Variants in PDE1A observed in about 807,000 individuals in gnomAD.
PDE1A encodes the protein dual specificity calcium/calmodulin-dependent 3',5'-cyclic nucleotide phosphodiesterase 1A.
Under a neutral mutation model 61.7 loss-of-function variants are expected in PDE1A, and 35 were observed. The observed-to-expected ratio is 0.57, with a 90% CI of 0.43 to 0.75. The LOEUF is 0.75. Among genes scored for constraint, PDE1A ranks in the 30% least tolerant of loss-of-function variants. The probability of loss-of-function intolerance (pLI) is 0.00; values close to 1 mark genes in which losing one functional copy is unlikely to be tolerated. For missense variants in PDE1A, 597 were observed against 630.6 expected, an observed-to-expected ratio of 0.95 and a Z score of 0.57; for synonymous variants, 232 against 213.2, an observed-to-expected ratio of 1.09 and a Z score of -0.77.
chr2:182,641,475 C>T, the PDE1A span, among the ~76,000 whole-genome samples: 2 of 151,928 alleles, frequency 1.3e-5, no homozygotes, highest in African/African-American at 4.8e-5. Context: ...AACATTTTTC[C>T]CAAGAAAGCA....
intron 13 of PDE1A, among the ~76,000 whole-genome samples, chr2:182,148,258 G>C (rs1574493203): frequency 6.6e-6 from 1 of 152,170 alleles, no homozygotes; most frequent in Admixed American, 6.5e-5. Flanking sequence ...ACAGAACCCA[G>C]AAATGTTGCC....
At chr2:182,427,106 G>T, upstream of PDE1A, 1 of 723,300 alleles carries the variant, frequency 1.4e-6, no homozygotes, top group Non-Finnish European at 1.7e-6. Context: ...AATAAAAGTT[G>T]TACAGCTGGT....
chr2:182,650,063 G>A, the PDE1A span, among the ~76,000 whole-genome samples: 3 of 152,152 alleles, frequency 2.0e-5, no homozygotes, highest in South Asian at 2.1e-4. Context: ...CTCCAGCCTA[G>A]GTGATAGAGC....
At chr2:182,437,378 A>G (rs892746867) in intron 2 of PDE1A, among the ~76,000 whole-genome samples, 2 of 151,908 alleles carry the variant, frequency 1.3e-5, no homozygotes, top group African/African-American at 2.4e-5. Context: ...ATTAATTAAA[A>G]CTCTCTACCT....
intron 1 of PDE1A, among the ~76,000 whole-genome samples, chr2:182,322,656 G>A (rs1696771288): frequency 5.3e-5 from 8 of 152,102 alleles, no homozygotes; most frequent in Admixed American, 5.2e-4. Context: ...GGCAGACTCT[G>A]TTAGACAATT....
chr2:182,427,577 T>G (rs16823233), upstream of PDE1A, among the ~76,000 whole-genome samples: 24,488 of 151,940 alleles, frequency 0.16, 2,323 homozygotes, highest in Middle Eastern at 0.31. Flanking sequence ...TTATATATTA[T>G]GTGATGAAAT....
chr2:182,635,303 C>T, the PDE1A span, among the ~76,000 whole-genome samples: 2 of 152,052 alleles, frequency 1.3e-5, no homozygotes, highest in Non-Finnish European at 2.9e-5. Flanking sequence ...CAAGATAATT[C>T]CCATCTGCCC....
chr2:182,329,720 T>C (rs955345880), intron 1 of PDE1A, among the ~76,000 whole-genome samples: 4 of 152,140 alleles, frequency 2.6e-5, no homozygotes, highest in African/African-American at 9.7e-5. Flanking sequence ...GGTTTCTATC[T>C]CCTATCTGCA....
At chr2:182,503,298 C>T (rs1189760631) in intron 2 of PDE1A, among the ~76,000 whole-genome samples, 1 of 152,140 alleles carries the variant, frequency 6.6e-6, no homozygotes, top group Non-Finnish European at 1.5e-5. Context: ...TTCCTTGCCT[C>T]TCCACTTCTT....
At chr2:182,361,278 T>A (rs1291777387) in intron 1 of PDE1A, among the ~76,000 whole-genome samples, 1 of 152,120 alleles carries the variant, frequency 6.6e-6, no homozygotes, top group East Asian at 1.9e-4. Context: ...TAATGCATAG[T>A]GATCAAATCA....
At chr2:182,680,215 C>CT in the PDE1A span, among the ~76,000 whole-genome samples, 2,797 of 139,886 alleles carry the variant, frequency 0.02, 62 homozygotes, top group African/African-American at 0.062. Flanking sequence ...TTATCAGCGA[C>CT]TTTTTTTTTT....
At chr2:182,254,572 T>C (rs974002168) in intron 2 of PDE1A, among the ~76,000 whole-genome samples, 5 of 152,118 alleles carry the variant, frequency 3.3e-5, no homozygotes, top group Non-Finnish European at 7.4e-5. Context: ...GAGCAAGTCT[T>C]TACAGGGGGA....
chr2:182,296,511 G>A (rs920838218), intron 1 of PDE1A, among the ~76,000 whole-genome samples: 6 of 152,148 alleles, frequency 3.9e-5, no homozygotes, highest in Non-Finnish European at 7.3e-5. Flanking sequence ...TATAGATACC[G>A]ATATAGATAT....
the PDE1A span, among the ~76,000 whole-genome samples, chr2:182,691,844 C>A: frequency 2.3e-4 from 35 of 150,026 alleles, no homozygotes; most frequent in African/African-American, 3.8e-4. Context: ...AAAAAAAAAA[C>A]CCCATCAAAA....
intron 13 of PDE1A, among the ~76,000 whole-genome samples, chr2:182,169,155 A>G (rs954769610): frequency 1.3e-5 from 2 of 152,128 alleles, no homozygotes; most frequent in African/African-American, 4.8e-5. Flanking sequence ...TTTTGGCTAC[A>G]TATGGGTTTT....
At chr2:182,606,981 T>C in the PDE1A span, among the ~76,000 whole-genome samples, 3 of 152,210 alleles carry the variant, frequency 2.0e-5, no homozygotes, top group East Asian at 5.8e-4. Context: ...GGGAGACCAG[T>C]CTCAAATCCA....
At chr2:182,334,904 A>T (rs1414400593) in intron 1 of PDE1A, among the ~76,000 whole-genome samples, 1 of 152,204 alleles carries the variant, frequency 6.6e-6, no homozygotes, top group Non-Finnish European at 1.5e-5. Flanking sequence ...AATCCCCTTA[A>T]GCTGATGAGC....
intron 1 of PDE1A, among the ~76,000 whole-genome samples, chr2:182,326,766 T>G (rs1461842874): frequency 1.3e-5 from 2 of 152,242 alleles, no homozygotes; most frequent in Admixed American, 6.5e-5. Flanking sequence ...CTGCAGTTAC[T>G]TGGTAAGAGT....
chr2:182,589,675 A>T, the PDE1A span, among the ~76,000 whole-genome samples: 1 of 152,224 alleles, frequency 6.6e-6, no homozygotes, highest in African/African-American at 2.4e-5. Flanking sequence ...AGGCTAAAGA[A>T]ATTTGTATCT....
Sources: allele counts gnomAD v4.1 joint callset (sites outside exome capture counted in the v4.1 genomes callset), GRCh38; gene constraint gnomAD v4.1.1; transcripts MANE v1.5; gene names NCBI Gene and HGNC (gene_info 2026-07-23, HGNC 2026-07-21).